The following ADGRG1 variants were observed in gnomAD, a reference collection of about 807,000 sequenced individuals.
The protein encoded by ADGRG1 is adhesion G protein-coupled receptor G1, also known as 7-transmembrane protein with no EGF-like N-terminal domains-1.
In ADGRG1, 53 loss-of-function variants were observed where a neutral mutation model predicts 73.5. That is an observed-to-expected ratio of 0.72 (90% CI 0.58 to 0.91). The LOEUF (loss-of-function observed/expected upper bound fraction) is 0.91, where lower values mean the gene tolerates loss of function less well. Ranked by LOEUF, ADGRG1 falls within the 40% of genes least tolerant of loss-of-function variation. The pLI is 0.00. For synonymous variants in ADGRG1, 394 were observed against 374.4 expected (o/e 1.05, Z -0.60); for missense variants, 795 against 871.8 (o/e 0.91, Z 1.11).
chr16:57,631,914 GA>G, intron 1 of ADGRG1: 1 of 965,744 alleles, frequency 1.0e-6, no homozygotes, highest in Non-Finnish European at 1.2e-6. Flanking sequence ...AAGGGTTGGG[GA>G]GTAGGAAGGG....
rs150077629 is a variant in ADGRG1, at chr16:57,662,261, A to C, written c.1933+296A>C. Among the ~76,000 whole-genome samples, 3 of 152,286 alleles carry C rather than the reference A, an allele frequency of 2.0e-5. No individual in the cohort carries two copies. In the East Asian group the frequency reaches 5.8e-4, roughly 29 times the overall value. On this transcript the variant is annotated intron_variant, in intron 13 of 13. Transcript: ENST00000562631. ...ATGAGCAGGCAAGCATATAGCCATC[A>C]AAGGTGGTCCCAGATAGTAGGGACA...
intron 12 of ADGRG1, 100 bp from the exon 13 acceptor site, chr16:57,661,597 T>C: frequency 6.5e-7 from 1 of 1,534,426 alleles, no homozygotes; most frequent in South Asian, 1.2e-5. Context: ...GCGCACTTGC[T>C]GTAAACAGTG....
chr16:57,626,811 A>C (rs1362004482), upstream of ADGRG1: 4 of 982,616 alleles, frequency 4.1e-6, no homozygotes, highest in Admixed American at 2.5e-4. Flanking sequence ...TCAGGCCCTG[A>C]AGGACTGACC....
intron 1 of ADGRG1, chr16:57,643,597 G>GTA (rs1294475973): frequency 2.3e-4 from 230 of 984,900 alleles, no homozygotes; most frequent in Non-Finnish European, 2.6e-4. Flanking sequence ...GTGTAAGAGT[G>GTA]TGAGGCTCAC....
At chr16:57,650,121 C>G in intron 1 of ADGRG1, 132 bp from the exon 2 acceptor site, 1 of 1,513,030 alleles carries the variant, frequency 6.6e-7, no homozygotes. Context: ...CTGGGGAGGT[C>G]CATGGGCTTT....
In ADGRG1 at chr16:57,631,846, C is replaced by A. The variant is rs2038022732; in HGVS notation, c.-36+3044C>A. Reference sequence around the variant, plus strand: ...GTGCCCCATCTGGGGCTCCTTGAGGCCCCCAGGGGAGCCCTGTAGATTCTG... The same window carrying A: ...GTGCCCCATCTGGGGCTCCTTGAGGACCCCAGGGGAGCCCTGTAGATTCTG... On this transcript the variant is annotated intron_variant, in intron 1 of 13. Transcript: ENST00000562631. 2.9e-5 allele frequency: 28 copies of A among 981,590 alleles called. No individual in the cohort carries two copies. The South Asian group carries it at 1.3e-3, about 46-fold the overall frequency. 60.8% of individuals were successfully genotyped at this position (981,590 alleles called of 1,614,324 possible).
chr16:57,662,881 G>T (rs2047581238), intron 13 of ADGRG1: 1 of 978,672 alleles, frequency 1.0e-6, no homozygotes, highest in Admixed American at 6.2e-5. Context: ...CTCTCATGGG[G>T]TTCAAGGCCA....
chr16:57,659,425 G>A lies in ADGRG1; in HGVS notation c.1299G>A (p.Arg433=), dbSNP rs143798178. 34 of 1,613,610 alleles carry A rather than the reference G, an allele frequency of 2.1e-5. No homozygotes were observed. In the African/African-American group the frequency reaches 4.3e-4, roughly 20 times the overall value. Residue 433 remains arginine (R), a synonymous_variant, in exon 11 of 14, where the codon CGG becomes CGA. Coordinates refer to ENST00000562631, the MANE Select transcript of ADGRG1 (RefSeq NM_201525.4). ...AAYLCSRRKP[R]DYTIKVHMNL... is the part of the protein sequence containing the mutation. ...CCCTGCCGTGCAGGAGGAAACCTCG[G>A]GACTACACCATCAAGGTGCACATGA... is the stretch of plus-strand genomic sequence containing the variant.
chr16:57,661,572 G>A, intron 12 of ADGRG1, 125 bp from the exon 13 acceptor site: 5 of 1,517,564 alleles, frequency 3.3e-6, no homozygotes, highest in Non-Finnish European at 4.4e-6. Flanking sequence ...CATCAACACT[G>A]TAAATAGAAA....
At chr16:57,663,206 C>A in intron 13 of ADGRG1, 1 of 815,902 alleles carries the variant, frequency 1.2e-6, no homozygotes, top group Non-Finnish European at 1.5e-6. Context: ...TCCTTGTTTA[C>A]AAAAGAGAAT....
intron 1 of ADGRG1, among the ~76,000 whole-genome samples, chr16:57,638,824 C>A (rs905987176): frequency 1.3e-5 from 2 of 152,116 alleles, no homozygotes; most frequent in Non-Finnish European, 2.9e-5. Context: ...GTAATCCCAG[C>A]ACTTTGGGAG....
At position 57,637,634 on chromosome 16, in the gene ADGRG1, C is replaced by T. The variant is rs577994749; in HGVS notation, c.-36+8832C>T. The T allele has an allele frequency of 4.6e-5, 45 of 985,362 alleles. No individual in the cohort carries two copies. In the African/African-American group the frequency reaches 6.3e-4, roughly 14 times the overall value. 61.0% of individuals were successfully genotyped at this position (985,362 alleles called of 1,614,324 possible). On this transcript the variant is annotated intron_variant, in intron 1 of 13. Coordinates refer to ENST00000562631, the MANE Select transcript of ADGRG1 (RefSeq NM_201525.4). ...TCTTTGCTTTCTTTTCCTCTTCCTC[C>T]GGGGGCCAAAAATAGGGCCTGAATG...
At chr16:57,633,960 C>T (rs1486940368) in intron 1 of ADGRG1, 4 of 435,036 alleles carry the variant, frequency 9.2e-6, no homozygotes, top group Non-Finnish European at 1.2e-5. Context: ...TGAGACCTGA[C>T]CCAGGTTTTG....
chr16:57,651,684 A>G (rs2044138043), intron 3 of ADGRG1, 62 bp downstream of exon 3: 2 of 1,552,204 alleles, frequency 1.3e-6, no homozygotes, highest in African/African-American at 2.7e-5. Context: ...GGAAGGCAAA[A>G]TGCAAAGTGG....
In ADGRG1 at chr16:57,659,549, T is replaced by C. The variant is rs1202935116; in HGVS notation, c.1423T>C (p.Phe475Leu). ...GGCTGGCTGCCGAGCCAGTGCCATC[T>C]TCCTGCACTTCTCCCTGCTCACCTG... ...SEAGCRASAIFLHFSLLTCLS... is the reference protein window; with the variant it reads ...SEAGCRASAILLHFSLLTCLS... The change falls in exon 11 of 14, where the codon TTC (phenylalanine) becomes CTC (leucine). Residue 475 changes from phenylalanine to leucine, a missense_variant. Transcript: ENST00000562631. 1 of 1,614,174 alleles carries C rather than the reference T, an allele frequency of 6.2e-7. No individual in the cohort carries two copies. The highest frequency in any genetic ancestry group is 2.2e-5 in the East Asian group (1 of 44,880).
In ADGRG1 at chr16:57,656,519, A is replaced by G; in HGVS notation, c.1069A>G (p.Ser357Gly). The G allele has an allele frequency of 6.2e-7, 1 of 1,612,828 alleles. No individual in the cohort carries two copies. The highest frequency in any genetic ancestry group is 8.5e-7 in the Non-Finnish European group (1 of 1,178,824). Residue 357 changes from serine to glycine, a missense_variant, in exon 9 of 14, where the codon AGC becomes GGC. Coordinates refer to ENST00000562631, the MANE Select transcript of ADGRG1 (RefSeq NM_201525.4). ...CCGTGCTGTCCCCTCCTCAGTGAGC[A>G]GCCCGGGGCATTGGAGCAGTGCTGG... ...VFWVEDPTLS[S>G]PGHWSSAGCE...
upstream of ADGRG1, among the ~76,000 whole-genome samples, chr16:57,625,317 A>T (rs1224592145): frequency 6.6e-6 from 1 of 152,038 alleles, no homozygotes; most frequent in Non-Finnish European, 1.5e-5. Context: ...TCCATTGCAC[A>T]CAGGGCAGTC....
At chr16:57,638,170 C>G (rs780694586) in intron 1 of ADGRG1, among the ~76,000 whole-genome samples, 5 of 152,202 alleles carry the variant, frequency 3.3e-5, no homozygotes, top group African/African-American at 4.8e-5. Context: ...GAGCATTGAA[C>G]GTGGGGGAGA....
chr16:57,630,441 C>CT, intron 1 of ADGRG1: 2 of 985,876 alleles, frequency 2.0e-6, no homozygotes, highest in South Asian at 9.4e-5. Flanking sequence ...CTTGCCCTTC[C>CT]TCTCCTCTCG....
Sources: gnomAD v4.1 joint callset for allele counts (sites outside exome capture counted in the v4.1 genomes callset) on GRCh38, gnomAD v4.1.1 for gene constraint, MANE v1.5 for transcripts, NCBI Gene and HGNC (gene_info 2026-07-23, HGNC 2026-07-21) for gene names.